SLC9D1: variants seen among roughly 807,000 people sequenced by gnomAD.
SLC9D1 encodes solute carrier family 9 member D1, also known as putative LAG1-interacting protein.
chr13:113,525,766 A>C, the SLC9D1 span, among the ~76,000 whole-genome samples: 5 of 151,814 alleles, frequency 3.3e-5, no homozygotes, highest in Admixed American at 2.0e-4. Flanking sequence ...TCGTCGTCGT[A>C]GGAGAGGACA....
the SLC9D1 span, among the ~76,000 whole-genome samples, chr13:113,496,228 A>G: frequency 6.6e-6 from 1 of 152,198 alleles, no homozygotes; most frequent in Non-Finnish European, 1.5e-5. Context: ...CTCTCATGTG[A>G]GGGAGAATCT....
the SLC9D1 span, chr13:113,547,363 CAGT>C: frequency 3.1e-6 from 5 of 1,613,702 alleles, no homozygotes; most frequent in South Asian, 2.2e-5. Flanking sequence ...CTCACCTTGT[CAGT>C]GGTGGTGATG....
the SLC9D1 span, chr13:113,501,731 CTTAT>C: frequency 1.6e-5 from 26 of 1,601,604 alleles, no homozygotes; most frequent in African/African-American, 3.2e-4. Context: ...ACTTCTGTTT[CTTAT>C]TTATTTTATT....
chr13:113,527,992 CACTT>C, the SLC9D1 span: 1 of 152,166 alleles, frequency 6.6e-6, no homozygotes, highest in Admixed American at 6.6e-5. Flanking sequence ...GTATAATTTC[CACTT>C]ACTTCTTTTA....
chr13:113,534,004 G>A, the SLC9D1 span: 1 of 1,456,982 alleles, frequency 6.9e-7, no homozygotes, highest in Non-Finnish European at 9.4e-7. Context: ...TTAGAGAACT[G>A]TGTTTTGGAA....
chr13:113,540,027 G>A, the SLC9D1 span, among the ~76,000 whole-genome samples: 2 of 152,176 alleles, frequency 1.3e-5, no homozygotes, highest in East Asian at 1.9e-4. Flanking sequence ...AGCTGCATCC[G>A]TGTTGCTGCA....
chr13:113,508,541 C>T, the SLC9D1 span, among the ~76,000 whole-genome samples: 2 of 152,204 alleles, frequency 1.3e-5, no homozygotes, highest in African/African-American at 4.8e-5. Context: ...CTTTGTGGGA[C>T]CGACCCTTCC....
the SLC9D1 span, among the ~76,000 whole-genome samples, chr13:113,516,248 A>G: frequency 6.6e-6 from 1 of 152,122 alleles, no homozygotes; most frequent in South Asian, 2.1e-4. Context: ...CTACTTTTGC[A>G]TATGCTTGAA....
chr13:113,549,610 T>C, the SLC9D1 span: 2 of 1,599,632 alleles, frequency 1.3e-6, no homozygotes, highest in Non-Finnish European at 1.7e-6. Flanking sequence ...CAGCAGCTGC[T>C]CCTTCTGGGA....
the SLC9D1 span, among the ~76,000 whole-genome samples, chr13:113,543,193 C>T: frequency 1.7e-5 from 1 of 59,716 alleles, no homozygotes; most frequent in Non-Finnish European, 3.1e-5. Context: ...TCCCCCTGCC[C>T]CTCGCCCTCC....
chr13:113,531,641 C>T, the SLC9D1 span, among the ~76,000 whole-genome samples: 1 of 151,244 alleles, frequency 6.6e-6, no homozygotes, highest in Admixed American at 6.6e-5. Context: ...CCCGTACGTG[C>T]AGATCAAGAG....
the SLC9D1 span, chr13:113,499,869 A>G: frequency 4.1e-6 from 3 of 726,558 alleles, no homozygotes; most frequent in Non-Finnish European, 6.1e-6. Context: ...TGATTGATGT[A>G]TTTTTAACAT....
chr13:113,501,228 C>A, the SLC9D1 span, among the ~76,000 whole-genome samples: 1 of 152,200 alleles, frequency 6.6e-6, no homozygotes, highest in African/African-American at 2.4e-5. Context: ...ATAGTCAGCC[C>A]TCTGTGTCCA....
chr13:113,523,404 G>C, the SLC9D1 span, among the ~76,000 whole-genome samples: 1 of 152,044 alleles, frequency 6.6e-6, no homozygotes, highest in African/African-American at 2.4e-5. Flanking sequence ...TTGAGGAATT[G>C]TTCCACTCTG....
the SLC9D1 span, among the ~76,000 whole-genome samples, chr13:113,513,951 G>C: frequency 1.3e-5 from 2 of 152,196 alleles, no homozygotes; most frequent in Admixed American, 6.5e-5. Flanking sequence ...ATGGAGCCGG[G>C]GGGTCGGGGC....
the SLC9D1 span, among the ~76,000 whole-genome samples, chr13:113,533,823 G>A: frequency 6.6e-6 from 1 of 152,196 alleles, no homozygotes; most frequent in African/African-American, 2.4e-5. Flanking sequence ...TCACCCCAGA[G>A]TATTGACTGC....
chr13:113,547,338 A>G, the SLC9D1 span: 2 of 1,614,202 alleles, frequency 1.2e-6, no homozygotes, highest in East Asian at 2.2e-5. Flanking sequence ...GTACGAGCTC[A>G]CGGTGCTGGT....
chr13:113,493,880 G>A, the SLC9D1 span, among the ~76,000 whole-genome samples: 1 of 152,144 alleles, frequency 6.6e-6, no homozygotes, highest in African/African-American at 2.4e-5. Flanking sequence ...TGGCCTCCAG[G>A]CTTTTTTAGT....
the SLC9D1 span, chr13:113,495,699 G>A: frequency 5.4e-5 from 87 of 1,612,740 alleles, no homozygotes; most frequent in Non-Finnish European, 6.4e-5. Flanking sequence ...CCGCGGGCGA[G>A]GGGTGGCTGC....
Sources: allele counts gnomAD v4.1 joint callset (sites outside exome capture counted in the v4.1 genomes callset), GRCh38; gene constraint gnomAD v4.1.1; transcripts MANE v1.5; gene names NCBI Gene and HGNC (gene_info 2026-07-23, HGNC 2026-07-21).